Variants in CENPW observed in about 807,000 individuals in gnomAD.
CENPW encodes centromere protein W.
In CENPW, 3 loss-of-function variants were observed where a neutral mutation model predicts 11.1. The observed-to-expected ratio is 0.27, with a 90% CI of 0.12 to 0.70. CENPW has a LOEUF of 0.70. Among genes scored for constraint, CENPW ranks in the 30% least tolerant of loss-of-function variants. The pLI is 0.77. For missense variants in CENPW, 100 were observed against 105.6 expected, an observed-to-expected ratio of 0.95 and a Z score of 0.23; for synonymous variants, 38 against 42.0, an observed-to-expected ratio of 0.91 and a Z score of 0.37.
At chr6:126,346,127 A>G in intron 1 of CENPW, 78 bp from the exon 2 acceptor site, 1 of 690,852 alleles carries the variant, frequency 1.4e-6, no homozygotes, top group Non-Finnish European at 2.5e-6. Flanking sequence ...ACATTTTGAG[A>G]TAACTAATTT....
At chr6:126,442,793 A>G in the CENPW span, among the ~76,000 whole-genome samples, 74 of 151,458 alleles carry the variant, frequency 4.9e-4, no homozygotes, top group Middle Eastern at 6.8e-3. Flanking sequence ...ACTTACATCT[A>G]TGGAACAGAC....
the CENPW span, among the ~76,000 whole-genome samples, chr6:126,424,422 A>G: frequency 6.6e-6 from 1 of 152,134 alleles, no homozygotes; most frequent in South Asian, 2.1e-4. Context: ...AGTGAAAGTA[A>G]TTGGGTATTT....
chr6:126,350,750 T>C (rs892341375), downstream of CENPW, among the ~76,000 whole-genome samples: 1 of 152,174 alleles, frequency 6.6e-6, no homozygotes, highest in Non-Finnish European at 1.5e-5. Flanking sequence ...GTAATACATA[T>C]ATGTTTCCAA....
chr6:126,376,725 A>C, the CENPW span, among the ~76,000 whole-genome samples: 1 of 152,310 alleles, frequency 6.6e-6, no homozygotes, highest in African/African-American at 2.4e-5. Context: ...ATATTCCCTA[A>C]GGCAAACTGA....
the CENPW span, among the ~76,000 whole-genome samples, chr6:126,469,891 C>T: frequency 6.6e-6 from 1 of 152,140 alleles, no homozygotes; most frequent in Non-Finnish European, 1.5e-5. Flanking sequence ...CAAGAGGTGA[C>T]CTCACTGATT....
At chr6:126,466,981 C>G in the CENPW span, among the ~76,000 whole-genome samples, 3 of 152,034 alleles carry the variant, frequency 2.0e-5, no homozygotes, top group African/African-American at 4.8e-5. Flanking sequence ...CAAAACACTG[C>G]TCAAAGAAAT....
At chr6:126,455,368 G>C in the CENPW span, among the ~76,000 whole-genome samples, 19 of 151,480 alleles carry the variant, frequency 1.3e-4, no homozygotes, top group Admixed American at 1.1e-3. Context: ...CCATGATCAA[G>C]TAGGTGGATT....
the CENPW span, among the ~76,000 whole-genome samples, chr6:126,468,865 G>A: frequency 1.3e-5 from 2 of 152,262 alleles, no homozygotes; most frequent in South Asian, 2.1e-4. Context: ...GTGCAGTGGT[G>A]TGATCTTGGC....
At chr6:126,472,710 A>G in the CENPW span, among the ~76,000 whole-genome samples, 2 of 152,218 alleles carry the variant, frequency 1.3e-5, no homozygotes, top group East Asian at 3.8e-4. Context: ...ATTTAAGTCT[A>G]TAAGAAACTG....
chr6:126,441,192 T>C, the CENPW span, among the ~76,000 whole-genome samples: 1 of 151,430 alleles, frequency 6.6e-6, no homozygotes, highest in African/African-American at 2.4e-5. Flanking sequence ...AGTTCTGTTA[T>C]GGCTAGCAAC....
the CENPW span, among the ~76,000 whole-genome samples, chr6:126,432,592 G>A: frequency 6.6e-6 from 1 of 152,136 alleles, no homozygotes; most frequent in East Asian, 1.9e-4. Context: ...ACTCCTTATT[G>A]TACTGACTAT....
At chr6:126,349,396 C>CA (rs769573149), downstream of CENPW, among the ~76,000 whole-genome samples, 7 of 151,970 alleles carry the variant, frequency 4.6e-5, no homozygotes, top group Non-Finnish European at 8.8e-5. Context: ...GTTTCATTAC[C>CA]AAAAAAGTCT....
At chr6:126,374,553 G>A in the CENPW span, among the ~76,000 whole-genome samples, 5 of 152,188 alleles carry the variant, frequency 3.3e-5, no homozygotes, top group South Asian at 6.2e-4. Flanking sequence ...GCTTGGTAGA[G>A]TACAGATTTG....
At chr6:126,464,129 T>G in the CENPW span, among the ~76,000 whole-genome samples, 1 of 152,070 alleles carries the variant, frequency 6.6e-6, no homozygotes, top group Non-Finnish European at 1.5e-5. Flanking sequence ...CACGATCAAA[T>G]GTGATTTACC....
At chr6:126,365,350 A>G in the CENPW span, among the ~76,000 whole-genome samples, 1 of 152,262 alleles carries the variant, frequency 6.6e-6, no homozygotes, top group Non-Finnish European at 1.5e-5. Context: ...TAATTAGCTC[A>G]TTAAGTTTTG....
At chr6:126,357,630 A>G in the CENPW span, among the ~76,000 whole-genome samples, 3 of 147,398 alleles carry the variant, frequency 2.0e-5, no homozygotes, top group Non-Finnish European at 4.5e-5. Flanking sequence ...TTCTTTTGAG[A>G]TGGAGTCTTG....
chr6:126,414,521 G>A, the CENPW span, among the ~76,000 whole-genome samples: 1 of 151,950 alleles, frequency 6.6e-6, no homozygotes, highest in African/African-American at 2.4e-5. Context: ...ACAAATATAT[G>A]GAAATTAACC....
At chr6:126,472,496 TC>T in the CENPW span, among the ~76,000 whole-genome samples, 1 of 152,208 alleles carries the variant, frequency 6.6e-6, no homozygotes, top group Non-Finnish European at 1.5e-5. Flanking sequence ...AATAGTTCAT[TC>T]CTTTTAATTA....
the CENPW span, among the ~76,000 whole-genome samples, chr6:126,406,018 C>T: frequency 2.6e-5 from 4 of 152,038 alleles, no homozygotes; most frequent in Non-Finnish European, 5.9e-5. Flanking sequence ...AAGTGAGCAT[C>T]CTTGTCTGGT....
Sources: gnomAD v4.1 joint callset for allele counts (sites outside exome capture counted in the v4.1 genomes callset) on GRCh38, gnomAD v4.1.1 for gene constraint, MANE v1.5 for transcripts, NCBI Gene and HGNC (gene_info 2026-07-23, HGNC 2026-07-21) for gene names.